Variants in PDK1 observed in about 807,000 individuals in gnomAD.
The protein encoded by PDK1 is [Pyruvate dehydrogenase (acetyl-transferring)] kinase isozyme 1, mitochondrial.
In PDK1, 39 loss-of-function variants were observed where a neutral mutation model predicts 54.2. The ratio of observed to expected loss-of-function variants is 0.72; its 90% CI spans 0.56 to 0.94. PDK1 has a LOEUF of 0.94. Ranked by LOEUF, PDK1 falls within the 40% of genes least tolerant of loss-of-function variation. The pLI, the probability that PDK1 is intolerant of heterozygous loss-of-function variation, is 0.00. For synonymous variants in PDK1, 221 were observed against 207.1 expected (o/e 1.07, Z -0.58); for missense variants, 552 against 566.0 (o/e 0.98, Z 0.25).
At chr2:172,587,451 A>C (rs1690304335) in intron 9 of PDK1, among the ~76,000 whole-genome samples, 1 of 150,258 alleles carries the variant, frequency 6.7e-6, no homozygotes, top group African/African-American at 2.5e-5. Flanking sequence ...GCAGCTCATA[A>C]AGGTGGCACG....
At chr2:172,632,281 A>T in the PDK1 span, among the ~76,000 whole-genome samples, 49 of 137,536 alleles carry the variant, frequency 3.6e-4, 1 homozygote, top group Admixed American at 9.5e-4. Flanking sequence ...AAAAAAAATT[A>T]AAAAAAAAAA....
At chr2:172,638,475 A>C in the PDK1 span, among the ~76,000 whole-genome samples, 1 of 152,212 alleles carries the variant, frequency 6.6e-6, no homozygotes, top group Non-Finnish European at 1.5e-5. Flanking sequence ...AGAAAATATT[A>C]TTTCTTTGGT....
the PDK1 span, among the ~76,000 whole-genome samples, chr2:172,686,925 C>A: frequency 6.6e-6 from 1 of 152,210 alleles, no homozygotes; most frequent in South Asian, 2.1e-4. Flanking sequence ...CACATACCAT[C>A]TGTCTTTGAT....
chr2:172,713,379 T>TTCTGCCCAGGAGCCTG, the PDK1 span, among the ~76,000 whole-genome samples: 3 of 152,190 alleles, frequency 2.0e-5, no homozygotes, highest in Admixed American at 6.5e-5. Context: ...ACTAGCTCCT[T>TTCTGCCCAGGAGCCTG]TCTGCCCAGG....
chr2:172,665,784 C>T, the PDK1 span, among the ~76,000 whole-genome samples: 2 of 152,292 alleles, frequency 1.3e-5, no homozygotes, highest in Admixed American at 1.3e-4. Flanking sequence ...GTCAAACAGA[C>T]ATAAGCAGCA....
chr2:172,609,645 C>T (rs576812061), downstream of PDK1, among the ~76,000 whole-genome samples: 6 of 152,308 alleles, frequency 3.9e-5, no homozygotes, highest in African/African-American at 9.6e-5. Flanking sequence ...GTTTCTAAAA[C>T]GGACATGCGT....
the PDK1 span, among the ~76,000 whole-genome samples, chr2:172,652,254 G>A: frequency 6.6e-6 from 1 of 152,190 alleles, no homozygotes; most frequent in Non-Finnish European, 1.5e-5. Context: ...AAAGGCCTTT[G>A]AGAAAATTCA....
At chr2:172,566,818 T>C in intron 5 of PDK1, 38 bp from the exon 6 acceptor site, 1 of 1,358,922 alleles carries the variant, frequency 7.4e-7, no homozygotes, top group Non-Finnish European at 1.0e-6. Flanking sequence ...GAAGTATATT[T>C]ATTAAATCCT....
At chr2:172,664,474 T>C in the PDK1 span, among the ~76,000 whole-genome samples, 1 of 152,130 alleles carries the variant, frequency 6.6e-6, no homozygotes, top group Non-Finnish European at 1.5e-5. Context: ...TGAAATCTAA[T>C]AGTTTTACTA....
intron 2 of PDK1, among the ~76,000 whole-genome samples, chr2:172,560,469 G>T: frequency 6.6e-6 from 1 of 152,190 alleles, no homozygotes; most frequent in Non-Finnish European, 1.5e-5. Context: ...CACCTGGCAG[G>T]TTAACTCTGT....
chr2:172,566,162 A>G (rs542187593), intron 5 of PDK1, among the ~76,000 whole-genome samples: 62 of 152,010 alleles, frequency 4.1e-4, no homozygotes, highest in Non-Finnish European at 6.9e-4. Context: ...TCTTTTTTAC[A>G]TTGTTGGTGT....
intron 8 of PDK1, among the ~76,000 whole-genome samples, chr2:172,571,953 TC>T (rs1252484479): frequency 6.8e-6 from 1 of 146,044 alleles, no homozygotes; most frequent in Non-Finnish European, 1.5e-5. Context: ...TGCCTCAGCC[TC>T]CCGAGTAGCT....
At chr2:172,637,820 C>T in the PDK1 span, among the ~76,000 whole-genome samples, 3 of 152,094 alleles carry the variant, frequency 2.0e-5, no homozygotes, top group African/African-American at 4.8e-5. Context: ...CTCAGCCTCC[C>T]GAGCAGCTGG....
the PDK1 span, among the ~76,000 whole-genome samples, chr2:172,660,915 G>A: frequency 1.4e-3 from 216 of 152,214 alleles, 5 homozygotes; most frequent in South Asian, 0.043. Flanking sequence ...AGGGAAGAAG[G>A]ACAAGAATAA....
chr2:172,624,347 AAGTG>A, the PDK1 span, among the ~76,000 whole-genome samples: 3 of 152,184 alleles, frequency 2.0e-5, no homozygotes, highest in African/African-American at 7.2e-5. Context: ...AGCAGCAGGC[AAGTG>A]AGTGTTACTG....
the PDK1 span, among the ~76,000 whole-genome samples, chr2:172,660,249 T>C: frequency 5.3e-4 from 40 of 75,116 alleles, no homozygotes; most frequent in East Asian, 0.022. Flanking sequence ...CTCTCTCTCT[T>C]TTTTTTTTTT....
the PDK1 span, among the ~76,000 whole-genome samples, chr2:172,664,149 T>A: frequency 2.0e-5 from 3 of 151,466 alleles, no homozygotes; most frequent in African/African-American, 7.3e-5. Context: ...CTGTCTCTGC[T>A]AAAAACACAA....
chr2:172,556,058 G>A (rs1017190764), upstream of PDK1: 16 of 982,392 alleles, frequency 1.6e-5, no homozygotes, highest in African/African-American at 1.9e-4. Flanking sequence ...GCCGATCCCC[G>A]CCCCTGCTGC....
In PDK1 at chr2:172,601,492, A is replaced by C. The variant is rs1476805031; in HGVS notation, c.*5523A>C. On this transcript the variant is annotated 3_prime_UTR_variant, in exon 11 of 11. Transcript: ENST00000282077. Reference sequence around the variant, plus strand: ...TGCTGTTCTCGTGATAGTTCCCATGAGATCTGATGGTTTTATAAGTATTTG... The same window carrying C: ...TGCTGTTCTCGTGATAGTTCCCATGCGATCTGATGGTTTTATAAGTATTTG... 2 of 152,170 alleles carry C rather than the reference A, an allele frequency of 1.3e-5. No individual in the cohort carries two copies. Among genetic ancestry groups the C allele is most frequent in the African/African-American group, 4.8e-5 (2 of 41,438 alleles). 9.4% of individuals were successfully genotyped at this position (152,170 alleles called of 1,614,324 possible).
Sources: allele counts gnomAD v4.1 joint callset (sites outside exome capture counted in the v4.1 genomes callset), GRCh38; gene constraint gnomAD v4.1.1; transcripts MANE v1.5; gene names NCBI Gene and HGNC (gene_info 2026-07-23, HGNC 2026-07-21).